The following MNS1 variants were observed in gnomAD, a reference collection of about 807,000 sequenced individuals.
The protein encoded by MNS1 is meiosis-specific nuclear structural protein 1.
MNS1 carries 63 observed loss-of-function variants against 72.0 expected under a neutral mutation model. The ratio of observed to expected loss-of-function variants is 0.87; its 90% CI spans 0.71 to 1.08. The LOEUF (loss-of-function observed/expected upper bound fraction) is 1.08, where lower values mean the gene tolerates loss of function less well. Among genes scored for constraint, MNS1 ranks in the 50% least tolerant of loss-of-function variants. The probability of loss-of-function intolerance (pLI) is 0.00; values close to 1 mark genes in which losing one functional copy is unlikely to be tolerated. For missense variants in MNS1, 604 were observed against 562.4 expected, an observed-to-expected ratio of 1.07 and a Z score of -0.75; for synonymous variants, 188 against 172.1, an observed-to-expected ratio of 1.09 and a Z score of -0.72.
chr15:56,448,395 C>T (rs2050923278), intron 3 of MNS1, among the ~76,000 whole-genome samples: 1 of 152,164 alleles, frequency 6.6e-6, no homozygotes, highest in South Asian at 2.1e-4. Flanking sequence ...ACTCCTCCTC[C>T]ACCCTCTCAT....
chr15:56,445,151 C>G (rs576991095), intron 4 of MNS1, among the ~76,000 whole-genome samples: 1 of 152,096 alleles, frequency 6.6e-6, no homozygotes, highest in South Asian at 2.1e-4. Flanking sequence ...CTAGCCTAAA[C>G]TTTCTTTCCT....
chr15:56,461,050 C>A (rs988747455), intron 2 of MNS1, among the ~76,000 whole-genome samples: 9 of 152,104 alleles, frequency 5.9e-5, no homozygotes, highest in Admixed American at 5.2e-4. Flanking sequence ...GGAAATGTCC[C>A]AGCTGAAAGG....
At position 56,431,597 on chromosome 15, in the gene MNS1, G is replaced by T. The variant is rs2050598210; in HGVS notation, c.1270-99C>A. ...ATGCAATGAATTAGATAAAATTGATGAACTATTTATGACACTAAGTTCAAA... is the reference window on the plus strand; with the variant it reads ...ATGCAATGAATTAGATAAAATTGATTAACTATTTATGACACTAAGTTCAAA... On this transcript the variant is annotated intron_variant, in intron 8 of 9. Coordinates refer to ENST00000260453, the MANE Select transcript of MNS1 (RefSeq NM_018365.4). 5.8e-6 allele frequency: 7 copies of T among 1,210,782 alleles called. No homozygotes were observed. In the South Asian group the frequency reaches 6.9e-5, roughly 12 times the overall value. 75.0% of individuals were successfully genotyped at this position (1,210,782 alleles called of 1,614,324 possible). A position where few individuals can be genotyped will look rare whatever the true frequency, so the allele number is the denominator to read the frequency against.
At chr15:56,449,654 TG>T (rs1567152782) in intron 3 of MNS1, among the ~76,000 whole-genome samples, 2 of 152,142 alleles carry the variant, frequency 1.3e-5, no homozygotes, top group East Asian at 3.8e-4. Flanking sequence ...GGTGTTACTT[TG>T]TCCTGAATGT....
At chr15:56,464,936 A>C in intron 1 of MNS1, 34 bp downstream of exon 1, 2 of 1,611,102 alleles carry the variant, frequency 1.2e-6, no homozygotes, top group Non-Finnish European at 1.7e-6. Flanking sequence ...AATCAACAAT[A>C]AACAAGTAGT....
chr15:56,443,545 A>G lies in MNS1; in HGVS notation c.904-8T>C, dbSNP rs369206866. 9.5e-6 allele frequency: 15 copies of G among 1,577,774 alleles called. No individual in the cohort carries two copies. The highest frequency in any genetic ancestry group is 1.1e-5 in the Non-Finnish European group (13 of 1,168,030). ...TTCTAATTTCTGTGTCAACTATTAA[A>G]TTTTTTAAAAAACATAAATATTTAT... is the stretch of plus-strand genomic sequence containing the variant. On this transcript the variant is annotated splice_polypyrimidine_tract_variant and splice_region_variant and intron_variant, in intron 6 of 9. Coordinates refer to ENST00000260453, the MANE Select transcript of MNS1 (RefSeq NM_018365.4).
intron 3 of MNS1, among the ~76,000 whole-genome samples, chr15:56,455,380 A>G (rs752655725): frequency 1.5e-4 from 23 of 152,192 alleles, no homozygotes; most frequent in South Asian, 1.2e-3. Context: ...AAGGATCGGT[A>G]ATCTCTTAGA....
Position 56,443,524 on chromosome 15 carries a change from A to C in MNS1, c.917T>G (p.Leu306Ter), listed in dbSNP as rs754003986. Residue 306 changes from leucine (L) to a stop codon, truncating the protein, a stop_gained, in exon 7 of 10, where the codon TTA becomes TGA. Coordinates refer to ENST00000260453, the MANE Select transcript of MNS1 (RefSeq NM_018365.4). LOFTEE classifies it high-confidence loss of function. ...LQLQNALTQK[L>*]EEMLRQREDL... is the part of the protein sequence containing the mutation. ...TTCACGTTGCCGCAGCATTTCTTCT[A>C]ATTTCTGTGTCAACTATTAAATTTT... 40 of 1,594,562 alleles carry C rather than the reference A, an allele frequency of 2.5e-5. No homozygotes were observed. Among genetic ancestry groups the C allele is most frequent in the Non-Finnish European group, 3.2e-5 (38 of 1,174,502 alleles).
At chr15:56,455,717 G>A (rs2050977601) in intron 3 of MNS1, among the ~76,000 whole-genome samples, 1 of 152,140 alleles carries the variant, frequency 6.6e-6, no homozygotes, top group African/African-American at 2.4e-5. Context: ...GTATCTGGCA[G>A]TCTTTCTTGG....
Position 56,444,485 on chromosome 15 carries a change from C to T in MNS1, c.645G>A (p.Met215Ile). ...AYEQLLKEKLMIDEIVRKIYE... is the reference protein window; with the variant it reads ...AYEQLLKEKLIIDEIVRKIYE... ...AGATCTTCCTAACAATTTCATCAAT[C>T]ATGAGTTTCTCTTTTAGCAGCTGCT... Residue 215 changes from methionine (M) to isoleucine (I), a missense_variant, in exon 5 of 10, where the codon ATG becomes ATA. Coordinates refer to ENST00000260453, the MANE Select transcript of MNS1 (RefSeq NM_018365.4). The T allele has an allele frequency of 1.2e-6, 2 of 1,608,940 alleles. No individual in the cohort carries two copies. The highest frequency in any genetic ancestry group is 1.7e-6 in the Non-Finnish European group (2 of 1,178,808).
chr15:56,456,616 A>T, intron 2 of MNS1, 95 bp from the exon 3 acceptor site: 1 of 1,215,998 alleles, frequency 8.2e-7, no homozygotes, highest in South Asian at 1.4e-5. Context: ...TAAATGCCTT[A>T]AGGCCAACAA....
chr15:56,451,076 T>C (rs2050943878), intron 3 of MNS1, among the ~76,000 whole-genome samples: 1 of 152,246 alleles, frequency 6.6e-6, no homozygotes, highest in Non-Finnish European at 1.5e-5. Flanking sequence ...GAACTGGGTT[T>C]TTAAAATTAT....
At chr15:56,451,786 A>G (rs1837296876) in intron 3 of MNS1, among the ~76,000 whole-genome samples, 1 of 152,154 alleles carries the variant, frequency 6.6e-6, no homozygotes, top group Non-Finnish European at 1.5e-5. Flanking sequence ...TGGGACATGA[A>G]CCCATCGTAC....
At chr15:56,438,999 A>G (rs1172965435) in intron 7 of MNS1, among the ~76,000 whole-genome samples, 2 of 152,170 alleles carry the variant, frequency 1.3e-5, no homozygotes, top group Non-Finnish European at 2.9e-5. Flanking sequence ...TATACAGATC[A>G]GAAAGGAAGA....
intron 7 of MNS1, among the ~76,000 whole-genome samples, chr15:56,435,716 G>A (rs965857569): frequency 5.1e-4 from 78 of 151,890 alleles, no homozygotes; most frequent in African/African-American, 1.7e-3. Flanking sequence ...AGTCAGGATG[G>A]TTTCACTAGA....
intron 2 of MNS1, among the ~76,000 whole-genome samples, chr15:56,457,129 C>G (rs1428079963): frequency 6.6e-6 from 1 of 152,094 alleles, no homozygotes; most frequent in Non-Finnish European, 1.5e-5. Flanking sequence ...TAACAATCAC[C>G]TCTACACACA....
chr15:56,431,864 G>A (rs981247425), intron 8 of MNS1, among the ~76,000 whole-genome samples: 4 of 151,560 alleles, frequency 2.6e-5, no homozygotes, highest in African/African-American at 7.3e-5. Flanking sequence ...AAAAAATAGT[G>A]AATAAAGAAG....
At chr15:56,436,437 T>C (rs1466422355) in intron 7 of MNS1, among the ~76,000 whole-genome samples, 2 of 152,110 alleles carry the variant, frequency 1.3e-5, no homozygotes, top group Non-Finnish European at 2.9e-5. Context: ...TACCAGAATC[T>C]CTGGGACACA....
Position 56,444,684 on chromosome 15 carries a change from A to T in MNS1, c.457-11T>A, listed in dbSNP as rs375664797. 1.2e-5 allele frequency: 19 copies of T among 1,599,728 alleles called. No individual in the cohort carries two copies. The highest frequency in any genetic ancestry group is 1.5e-5 in the Non-Finnish European group (18 of 1,170,332). ...TTCAGCATCACGTTTCTGTTATTAA[A>T]ACAAAATTGATCTTTCCGTTTTCAA... On this transcript the variant is annotated splice_polypyrimidine_tract_variant and intron_variant, in intron 4 of 9. Coordinates refer to ENST00000260453, the MANE Select transcript of MNS1 (RefSeq NM_018365.4).
Sources: allele counts gnomAD v4.1 joint callset (sites outside exome capture counted in the v4.1 genomes callset), GRCh38; gene constraint gnomAD v4.1.1; transcripts MANE v1.5; gene names NCBI Gene and HGNC (gene_info 2026-07-23, HGNC 2026-07-21).